Variants in ADGRL2 observed in about 807,000 individuals in gnomAD.
ADGRL2 encodes the protein calcium-independent alpha-latrotoxin receptor 2.
In ADGRL2, 44 loss-of-function variants were observed where a neutral mutation model predicts 157.4. The observed-to-expected ratio is 0.28, with a 90% CI of 0.22 to 0.36. ADGRL2 has a LOEUF of 0.36. Among genes scored for constraint, ADGRL2 ranks in the 10% least tolerant of loss-of-function variants. The pLI, the probability that ADGRL2 is intolerant of heterozygous loss-of-function variation, is 1.00. For synonymous variants in ADGRL2, 585 were observed against 624.7 expected, an observed-to-expected ratio of 0.94 and a Z score of 0.95; for missense variants, 1,510 against 1,768.9, an observed-to-expected ratio of 0.85 and a Z score of 2.63.
chr1:81,783,289 ATT>A (rs573673307), intron 2 of ADGRL2, among the ~76,000 whole-genome samples: 6 of 145,512 alleles, frequency 4.1e-5, no homozygotes, highest in Middle Eastern at 3.2e-3. Context: ...ATGCTGGCTA[ATT>A]TTTTTTTTTT....
chr1:81,322,473 TTTAG>T (rs1660594320), intron 1 of ADGRL2, among the ~76,000 whole-genome samples: 1 of 152,078 alleles, frequency 6.6e-6, no homozygotes, highest in Admixed American at 6.6e-5. Flanking sequence ...AGCAAGGAAC[TTTAG>T]TTAGGGAGAA....
chr1:81,846,469 C>G (rs909965363), intron 2 of ADGRL2, among the ~76,000 whole-genome samples: 1 of 150,586 alleles, frequency 6.6e-6, no homozygotes, highest in African/African-American at 2.4e-5. Context: ...TTTGGAGTTT[C>G]AAGAAACATA....
intron 2 of ADGRL2, among the ~76,000 whole-genome samples, chr1:81,558,690 T>A (rs904740616): frequency 1.3e-5 from 2 of 152,152 alleles, no homozygotes; most frequent in African/African-American, 4.8e-5. Flanking sequence ...GTTTATACAA[T>A]AAAGTGTTTA....
intron 3 of ADGRL2, among the ~76,000 whole-genome samples, chr1:81,651,145 T>C (rs2082412255): frequency 6.6e-6 from 1 of 152,178 alleles, no homozygotes; most frequent in Admixed American, 6.5e-5. Flanking sequence ...TTTAGCTCAA[T>C]AAAGCAGCTG....
chr1:81,561,935 G>A (rs1397066508), intron 2 of ADGRL2, among the ~76,000 whole-genome samples: 10 of 152,094 alleles, frequency 6.6e-5, no homozygotes, highest in Non-Finnish European at 1.5e-4. Context: ...AAATCTTCAT[G>A]CCTTTTGGGG....
At chr1:81,776,042 T>A (rs2086567926) in intron 2 of ADGRL2, among the ~76,000 whole-genome samples, 1 of 152,182 alleles carries the variant, frequency 6.6e-6, no homozygotes, top group Non-Finnish European at 1.5e-5. Flanking sequence ...CCACAAGTAA[T>A]GATTTACTAT....
At chr1:81,834,390 G>T (rs17107277) in intron 1 of ADGRL2, among the ~76,000 whole-genome samples, 4 of 152,084 alleles carry the variant, frequency 2.6e-5, no homozygotes, top group Admixed American at 2.6e-4. Context: ...GAATTTGAAG[G>T]ACAAATGTTA....
At chr1:81,803,924 A>G (rs1165899112) in intron 1 of ADGRL2, among the ~76,000 whole-genome samples, 6 of 152,198 alleles carry the variant, frequency 3.9e-5, no homozygotes, top group African/African-American at 1.2e-4. Flanking sequence ...ACGAAGTTGC[A>G]CAATGAAGAA....
At chr1:81,602,017 G>A (rs896917300) in intron 3 of ADGRL2, among the ~76,000 whole-genome samples, 4 of 152,212 alleles carry the variant, frequency 2.6e-5, no homozygotes, top group African/African-American at 7.2e-5. Context: ...GCACCATTCC[G>A]AATTTTAATT....
chr1:81,711,508 T>A (rs993527690), intron 1 of ADGRL2, among the ~76,000 whole-genome samples: 11 of 152,190 alleles, frequency 7.2e-5, no homozygotes, highest in Non-Finnish European at 1.5e-5. Context: ...ATTCAGAGAT[T>A]TAGATTTCTT....
chr1:81,967,483 G>A (rs552082852), intron 13 of ADGRL2, among the ~76,000 whole-genome samples: 13 of 151,864 alleles, frequency 8.6e-5, no homozygotes, highest in South Asian at 2.1e-4. Flanking sequence ...GGATGGTCTC[G>A]ATCTTCTGAC....
intron 2 of ADGRL2, among the ~76,000 whole-genome samples, chr1:81,451,891 A>G (rs1255343449): frequency 3.3e-5 from 5 of 152,224 alleles, no homozygotes; most frequent in African/African-American, 1.2e-4. Context: ...TTATAAAATA[A>G]TACACCTGTC....
At chr1:81,627,133 TA>T (rs2148735751) in intron 3 of ADGRL2, among the ~76,000 whole-genome samples, 1 of 152,120 alleles carries the variant, frequency 6.6e-6, no homozygotes, top group South Asian at 2.1e-4. Flanking sequence ...TAGAAATGGA[TA>T]ATGGATTCAG....
At position 81,991,993 on chromosome 1, in the gene ADGRL2, C is replaced by A. The variant is rs1371822694; in HGVS notation, c.*848C>A. Reference sequence around the variant, plus strand: ...TGACAAAGTTGGTCTTTATTACTTACATTTAAATTTCTTATTGCCAAAAGA... The same window carrying A: ...TGACAAAGTTGGTCTTTATTACTTAAATTTAAATTTCTTATTGCCAAAAGA... On this transcript the variant is annotated 3_prime_UTR_variant, in exon 24 of 24. Transcript: ENST00000686636. The A allele has an allele frequency of 6.6e-6, 1 of 152,508 alleles. No homozygotes were observed. Among genetic ancestry groups the A allele is most frequent in the East Asian group, 1.9e-4 (1 of 5,178 alleles). 9.4% of individuals were successfully genotyped at this position (152,508 alleles called of 1,614,324 possible).
chr1:81,828,440 TA>T (rs2091681538), intron 1 of ADGRL2, among the ~76,000 whole-genome samples: 2 of 152,180 alleles, frequency 1.3e-5, no homozygotes, highest in Admixed American at 1.3e-4. Flanking sequence ...CTTTTCTTTA[TA>T]TGTGGAGTAG....
intron 2 of ADGRL2, among the ~76,000 whole-genome samples, chr1:81,878,334 TTTAA>T (rs1198246926): frequency 7.5e-6 from 1 of 133,222 alleles, no homozygotes; most frequent in African/African-American, 3.0e-5. Context: ...AAGTTTTATT[TTTAA>T]TTGTTTGCTT....
At chr1:81,403,664 G>C (rs552513155) in intron 1 of ADGRL2, among the ~76,000 whole-genome samples, 22 of 152,020 alleles carry the variant, frequency 1.4e-4, no homozygotes, top group Non-Finnish European at 2.9e-4. Context: ...GGAAAAATGG[G>C]TTTAAAATTT....
intron 1 of ADGRL2, among the ~76,000 whole-genome samples, chr1:81,754,446 C>T (rs577705221): frequency 1.4e-5 from 2 of 141,774 alleles, no homozygotes; most frequent in African/African-American, 5.3e-5. Context: ...TCCTTCTCCT[C>T]CTCCTCCTCC....
At chr1:81,960,750 G>T (rs1374078068) in intron 11 of ADGRL2, among the ~76,000 whole-genome samples, 1 of 152,126 alleles carries the variant, frequency 6.6e-6, no homozygotes, top group East Asian at 1.9e-4. Context: ...TGGGATTAAA[G>T]GTGTGAGCCA....
Sources: gnomAD v4.1 joint callset for allele counts (sites outside exome capture counted in the v4.1 genomes callset) on GRCh38, gnomAD v4.1.1 for gene constraint, MANE v1.5 for transcripts, NCBI Gene and HGNC (gene_info 2026-07-23, HGNC 2026-07-21) for gene names.